SGCZ: variants seen among roughly 807,000 people sequenced by gnomAD.
SGCZ encodes zeta-sarcoglycan.
In SGCZ, 40 loss-of-function variants were observed where a neutral mutation model predicts 41.3. The observed-to-expected ratio is 0.97, with a 90% confidence interval of 0.75 to 1.26. The LOEUF (loss-of-function observed/expected upper bound fraction) is 1.26, where lower values mean the gene tolerates loss of function less well. Among genes scored for constraint, SGCZ ranks in the 50% most tolerant of loss-of-function variants. The probability of loss-of-function intolerance (pLI) is 0.00; values close to 1 mark genes in which losing one functional copy is unlikely to be tolerated. For missense variants in SGCZ, 552 were observed against 369.8 expected (o/e 1.49, Z -4.04); for synonymous variants, 206 against 137.5 (o/e 1.50, Z -3.49).
intron 1 of SGCZ, among the ~76,000 whole-genome samples, chr8:14,573,451 G>A (rs1221651472): frequency 6.6e-6 from 1 of 151,904 alleles, no homozygotes; most frequent in African/African-American, 2.4e-5. Flanking sequence ...GCCTCCCAAA[G>A]TGCTGGGATT....
chr8:14,446,212 C>G (rs987031077), intron 2 of SGCZ, among the ~76,000 whole-genome samples: 2 of 152,152 alleles, frequency 1.3e-5, no homozygotes, highest in African/African-American at 4.8e-5. Context: ...CCTGCTGTAT[C>G]CCTAAGACCA....
chr8:14,496,051 G>A (rs1180833219), intron 2 of SGCZ, among the ~76,000 whole-genome samples: 1 of 151,968 alleles, frequency 6.6e-6, no homozygotes, highest in Non-Finnish European at 1.5e-5. Context: ...AGATCGTGTG[G>A]TCTCCTAGTA....
At chr8:14,118,036 A>G (rs374496474) in intron 5 of SGCZ, among the ~76,000 whole-genome samples, 1 of 151,980 alleles carries the variant, frequency 6.6e-6, no homozygotes, top group South Asian at 2.1e-4. Context: ...CAATGCTGCA[A>G]TAAACATAGC....
At chr8:14,755,388 C>T (rs1241437415) in intron 1 of SGCZ, among the ~76,000 whole-genome samples, 1 of 151,578 alleles carries the variant, frequency 6.6e-6, no homozygotes, top group Non-Finnish European at 1.5e-5. Flanking sequence ...TCCAAATGAA[C>T]AATTAAGGAG....
intron 1 of SGCZ, among the ~76,000 whole-genome samples, chr8:15,173,721 G>A (rs1291341830): frequency 1.3e-5 from 2 of 151,990 alleles, no homozygotes; most frequent in Non-Finnish European, 2.9e-5. Flanking sequence ...TTTTTAATTG[G>A]CATTTTCTCA....
intron 2 of SGCZ, among the ~76,000 whole-genome samples, chr8:14,430,024 T>A (rs904190810): frequency 1.3e-5 from 2 of 152,164 alleles, no homozygotes; most frequent in African/African-American, 4.8e-5. Flanking sequence ...CATTTCTAAT[T>A]GAGCTTATTT....
chr8:14,188,776 C>G (rs1384336802), intron 4 of SGCZ, among the ~76,000 whole-genome samples: 1 of 151,598 alleles, frequency 6.6e-6, no homozygotes, highest in African/African-American at 2.4e-5. Flanking sequence ...AAATAATAAT[C>G]CCACTTTTTC....
chr8:14,854,366 A>G (rs1430763601), intron 1 of SGCZ, among the ~76,000 whole-genome samples: 2 of 151,984 alleles, frequency 1.3e-5, no homozygotes, highest in Non-Finnish European at 2.9e-5. Flanking sequence ...CATATCAAAA[A>G]TATATAATTT....
intron 1 of SGCZ, among the ~76,000 whole-genome samples, chr8:14,949,795 A>G (rs1800570329): frequency 6.6e-6 from 1 of 152,134 alleles, no homozygotes; most frequent in Non-Finnish European, 1.5e-5. Flanking sequence ...CAATAAAACC[A>G]AGGCAGATGA....
intron 1 of SGCZ, among the ~76,000 whole-genome samples, chr8:14,675,019 A>T (rs1183172991): frequency 7.2e-6 from 1 of 138,812 alleles, no homozygotes; most frequent in Non-Finnish European, 1.5e-5. Context: ...GCTCACTGCA[A>T]GCTCTGCCTC....
intron 1 of SGCZ, among the ~76,000 whole-genome samples, chr8:15,121,567 A>C (rs1807479152): frequency 6.6e-6 from 1 of 152,222 alleles, no homozygotes; most frequent in African/African-American, 2.4e-5. Flanking sequence ...AGTGCATGAA[A>C]GAGCTAATGA....
chr8:14,218,458 C>G (rs757241561), intron 4 of SGCZ, among the ~76,000 whole-genome samples: 1 of 152,126 alleles, frequency 6.6e-6, no homozygotes, highest in Non-Finnish European at 1.5e-5. Context: ...ATTATCTGTT[C>G]CCAGATTAGA....
intron 1 of SGCZ, among the ~76,000 whole-genome samples, chr8:15,121,241 AT>A (rs1274009752): frequency 6.6e-6 from 1 of 152,286 alleles, no homozygotes; most frequent in African/African-American, 2.4e-5. Context: ...GTCCAGAAAA[AT>A]TCACCCTCAT....
intron 1 of SGCZ, among the ~76,000 whole-genome samples, chr8:14,870,587 G>A (rs1021320352): frequency 6.6e-6 from 1 of 152,038 alleles, no homozygotes; most frequent in African/African-American, 2.4e-5. Context: ...TTGACAAATA[G>A]GATCTAATTA....
At chr8:14,688,570 C>G (rs906721617) in intron 1 of SGCZ, among the ~76,000 whole-genome samples, 1 of 152,086 alleles carries the variant, frequency 6.6e-6, no homozygotes, top group South Asian at 2.1e-4. Flanking sequence ...GTTTTGGTAC[C>G]AGTACCATGC....
intron 1 of SGCZ, among the ~76,000 whole-genome samples, chr8:15,000,069 C>T (rs1802360612): frequency 6.6e-6 from 1 of 152,092 alleles, no homozygotes; most frequent in South Asian, 2.1e-4. Context: ...CCTAATTCAA[C>T]CTGACTGGTG....
chr8:14,343,655 G>A (rs919107453), intron 2 of SGCZ, among the ~76,000 whole-genome samples: 13 of 152,122 alleles, frequency 8.5e-5, no homozygotes, highest in African/African-American at 2.4e-4. Context: ...TGTTCATTTC[G>A]GAGCCATAGA....
At chr8:15,206,747 G>A (rs1355202215) in intron 1 of SGCZ, among the ~76,000 whole-genome samples, 7 of 151,874 alleles carry the variant, frequency 4.6e-5, no homozygotes, top group South Asian at 2.1e-4. Context: ...GCACCCAGCC[G>A]GGCAGAGTCT....
intron 1 of SGCZ, among the ~76,000 whole-genome samples, chr8:14,897,457 T>C (rs1162373092): frequency 6.6e-6 from 1 of 152,192 alleles, no homozygotes; most frequent in Non-Finnish European, 1.5e-5. Flanking sequence ...CAATGTCTTG[T>C]AGTTCTGGAC....
Sources: gnomAD v4.1 joint callset for allele counts (sites outside exome capture counted in the v4.1 genomes callset) on GRCh38, gnomAD v4.1.1 for gene constraint, MANE v1.5 for transcripts, NCBI Gene and HGNC (gene_info 2026-07-23, HGNC 2026-07-21) for gene names.